Variants in GRID2 observed in about 807,000 individuals in gnomAD.
The protein encoded by GRID2 is glutamate ionotropic receptor delta type subunit 2, also known as glutamate receptor ionotropic, delta-2.
In GRID2, 33 loss-of-function variants were observed where a neutral mutation model predicts 114.8. The ratio of observed to expected loss-of-function variants is 0.29; its 90% CI spans 0.22 to 0.38. GRID2 has a LOEUF of 0.38. GRID2 is among the 10% of genes least tolerant of loss of function. GRID2 has a pLI of 1.00. For missense variants in GRID2, 1,184 were observed against 1,257.7 expected, an observed-to-expected ratio of 0.94 and a Z score of 0.89; for synonymous variants, 505 against 449.9, an observed-to-expected ratio of 1.12 and a Z score of -1.55.
At chr4:93,194,752 T>A (rs935225467) in intron 4 of GRID2, among the ~76,000 whole-genome samples, 1 of 152,174 alleles carries the variant, frequency 6.6e-6, no homozygotes, top group African/African-American at 2.4e-5. Context: ...CATAAAACAG[T>A]GGATCTCAAA....
At chr4:93,755,085 A>G (rs1029911009) in intron 14 of GRID2, among the ~76,000 whole-genome samples, 2 of 152,212 alleles carry the variant, frequency 1.3e-5, no homozygotes, top group Non-Finnish European at 2.9e-5. Context: ...TTGCACAGGA[A>G]TGGTGCAAGT....
chr4:93,067,241 CATTAA>C (rs1024699031), intron 2 of GRID2, among the ~76,000 whole-genome samples: 1 of 151,968 alleles, frequency 6.6e-6, no homozygotes, highest in African/African-American at 2.4e-5. Flanking sequence ...ATGGTATTTC[CATTAA>C]TTCTTAAATT....
At chr4:93,076,672 C>A (rs1279846475) in intron 2 of GRID2, among the ~76,000 whole-genome samples, 3 of 137,364 alleles carry the variant, frequency 2.2e-5, no homozygotes, top group Non-Finnish European at 4.5e-5. Flanking sequence ...GGCTGGAGTG[C>A]AATGGCGCAA....
chr4:92,674,406 G>C (rs1733227246), intron 2 of GRID2, among the ~76,000 whole-genome samples: 1 of 152,026 alleles, frequency 6.6e-6, no homozygotes, highest in Non-Finnish European at 1.5e-5. Flanking sequence ...TTCAATAGCT[G>C]TTAAGTCCAC....
chr4:93,780,805 A>G (rs1734464038), intron 1 of GRID2, among the ~76,000 whole-genome samples: 1 of 152,218 alleles, frequency 6.6e-6, no homozygotes, highest in Non-Finnish European at 1.5e-5. Flanking sequence ...ACCAAGGGAG[A>G]AACAGGCTCT....
rs1456022311 is a variant in GRID2, at chr4:93,676,752, A to AC, written c.2360+50318dup. On this transcript the variant is annotated intron_variant, in intron 14 of 15. Transcript: ENST00000282020. ...AATGAAATTAAAAAAAAAAGATATTACAAAAAAAAAAAAAAGAAAGAAAAT... is the reference window on the plus strand; with the variant it reads ...AATGAAATTAAAAAAAAAAGATATTACCAAAAAAAAAAAAAAGAAAGAAAAT... Among the ~76,000 whole-genome samples, 316 of 148,636 alleles carry AC rather than the reference A, an allele frequency of 2.1e-3. 2 individuals are homozygous for AC. The highest frequency in any genetic ancestry group is 3.5e-3 in the Admixed American group (53 of 15,004).
At chr4:92,352,228 A>G (rs969518119) in intron 1 of GRID2, among the ~76,000 whole-genome samples, 1 of 151,746 alleles carries the variant, frequency 6.6e-6, no homozygotes, top group Non-Finnish European at 1.5e-5. Flanking sequence ...TTTGATTTAC[A>G]TTACTCTTAT....
At chr4:93,726,257 G>C (rs1029304332) in intron 14 of GRID2, among the ~76,000 whole-genome samples, 1 of 152,030 alleles carries the variant, frequency 6.6e-6, no homozygotes, top group African/African-American at 2.4e-5. Flanking sequence ...TCCCCCATTG[G>C]TTGTTTTTGT....
intron 2 of GRID2, among the ~76,000 whole-genome samples, chr4:92,770,284 A>G (rs1738478617): frequency 6.6e-6 from 1 of 152,132 alleles, no homozygotes; most frequent in Non-Finnish European, 1.5e-5. Context: ...CTCAGCCTGG[A>G]TCTTATTGTT....
chr4:92,565,450 A>T (rs1407466954), intron 1 of GRID2, among the ~76,000 whole-genome samples: 1 of 152,016 alleles, frequency 6.6e-6, no homozygotes, highest in Non-Finnish European at 1.5e-5. Flanking sequence ...AAACTATTAT[A>T]TCCCACAGGG....
At chr4:93,341,759 T>A (rs1318829039) in intron 8 of GRID2, among the ~76,000 whole-genome samples, 1 of 152,128 alleles carries the variant, frequency 6.6e-6, no homozygotes, top group Non-Finnish European at 1.5e-5. Flanking sequence ...GTTGTGGGAT[T>A]TGGGGCAAGG....
intron 1 of GRID2, among the ~76,000 whole-genome samples, chr4:92,529,448 A>G (rs1196795056): frequency 6.6e-6 from 1 of 152,150 alleles, no homozygotes; most frequent in Non-Finnish European, 1.5e-5. Flanking sequence ...CTGAATTTGA[A>G]TTCAGTCTGA....
intron 8 of GRID2, among the ~76,000 whole-genome samples, chr4:93,318,159 G>A (rs1466087872): frequency 2.6e-5 from 4 of 151,118 alleles, no homozygotes; most frequent in African/African-American, 7.3e-5. Context: ...ACTTTCCAAT[G>A]ACTCAAGTGA....
chr4:92,602,010 G>A (rs1013673072), intron 2 of GRID2, among the ~76,000 whole-genome samples: 12 of 151,900 alleles, frequency 7.9e-5, no homozygotes, highest in African/African-American at 2.2e-4. Context: ...TGAAATTGAG[G>A]CAGTCATAAA....
intron 8 of GRID2, among the ~76,000 whole-genome samples, chr4:93,390,487 A>G (rs1764746029): frequency 6.6e-6 from 1 of 152,220 alleles, no homozygotes; most frequent in East Asian, 1.9e-4. Context: ...CTGTATGAGG[A>G]AGTCACTTTT....
intron 2 of GRID2, among the ~76,000 whole-genome samples, chr4:92,658,335 TA>T (rs1173605331): frequency 4.0e-5 from 6 of 151,780 alleles, no homozygotes; most frequent in Non-Finnish European, 8.8e-5. Flanking sequence ...TTCATCTCAT[TA>T]AAATGTGAAT....
At chr4:92,704,715 C>CTT (rs1198458103) in intron 2 of GRID2, among the ~76,000 whole-genome samples, 15 of 143,630 alleles carry the variant, frequency 1.0e-4, no homozygotes, top group African/African-American at 3.8e-4. Context: ...CTCTCTCTCT[C>CTT]TCTCTCTTTC....
chr4:93,083,422 C>T (rs989479589), intron 2 of GRID2, among the ~76,000 whole-genome samples: 2 of 151,964 alleles, frequency 1.3e-5, no homozygotes, highest in African/African-American at 4.8e-5. Context: ...AGGCCAGGCA[C>T]GGTGGCTCAC....
chr4:93,136,547 C>A (rs1410438777), intron 4 of GRID2, among the ~76,000 whole-genome samples: 1 of 152,094 alleles, frequency 6.6e-6, no homozygotes, highest in Non-Finnish European at 1.5e-5. Context: ...GAAAAGGAAT[C>A]ACTGAAAATG....
Sources: gnomAD v4.1 joint callset for allele counts (sites outside exome capture counted in the v4.1 genomes callset) on GRCh38, gnomAD v4.1.1 for gene constraint, MANE v1.5 for transcripts, NCBI Gene and HGNC (gene_info 2026-07-23, HGNC 2026-07-21) for gene names.